BTBD9: variants seen among roughly 807,000 people sequenced by gnomAD.
The protein encoded by BTBD9 is BTB/POZ domain-containing protein 9.
Under a neutral mutation model 64.3 loss-of-function variants are expected in BTBD9, and 49 were observed. That is an observed-to-expected ratio of 0.76 (90% CI 0.61 to 0.97). The LOEUF (loss-of-function observed/expected upper bound fraction) is 0.97, where lower values mean the gene tolerates loss of function less well. BTBD9 is among the 50% of genes least tolerant of loss of function. BTBD9 has a pLI of 0.00. For missense variants in BTBD9, 598 were observed against 762.1 expected, an observed-to-expected ratio of 0.78 and a Z score of 2.53; for synonymous variants, 260 against 274.7, an observed-to-expected ratio of 0.95 and a Z score of 0.53.
At chr6:38,456,955 T>C (rs781221695) in intron 6 of BTBD9, among the ~76,000 whole-genome samples, 1 of 152,182 alleles carries the variant, frequency 6.6e-6, no homozygotes, top group Non-Finnish European at 1.5e-5. Context: ...ATGATAAAGA[T>C]AGAGTTATCA....
chr6:38,512,147 AT>A (rs1772802468), intron 6 of BTBD9, among the ~76,000 whole-genome samples: 1 of 151,958 alleles, frequency 6.6e-6, no homozygotes, highest in Non-Finnish European at 1.5e-5. Flanking sequence ...CTAATTTTGT[AT>A]TTTTAGTAGA....
At chr6:38,595,855 C>T (rs2127495189) in intron 2 of BTBD9, 1 of 985,348 alleles carries the variant, frequency 1.0e-6, no homozygotes, top group African/African-American at 1.7e-5. Context: ...CCTAAAATTA[C>T]CAAATTAAAG....
At chr6:38,361,437 TACTGGAGGGATGGGAGGATC>T (rs1764953493) in intron 6 of BTBD9, among the ~76,000 whole-genome samples, 1 of 152,040 alleles carries the variant, frequency 6.6e-6, no homozygotes, top group Non-Finnish European at 1.5e-5. Context: ...TAGTCCTAGC[TACTGGAGGGATGGGAGGATC>T]ACTTGAGCCC....
chr6:38,457,750 G>C (rs1014249584), intron 6 of BTBD9, among the ~76,000 whole-genome samples: 3 of 152,110 alleles, frequency 2.0e-5, no homozygotes, highest in African/African-American at 7.2e-5. Flanking sequence ...GAGAGTATAA[G>C]TAGAGAAAAT....
At chr6:38,260,565 T>C (rs1764755616) in intron 8 of BTBD9, among the ~76,000 whole-genome samples, 1 of 152,168 alleles carries the variant, frequency 6.6e-6, no homozygotes, top group Non-Finnish European at 1.5e-5. Flanking sequence ...ATTATGAGTA[T>C]CATATATGTT....
intron 6 of BTBD9, among the ~76,000 whole-genome samples, chr6:38,560,137 C>T (rs1390920226): frequency 6.6e-6 from 1 of 152,104 alleles, no homozygotes; most frequent in South Asian, 2.1e-4. Flanking sequence ...AAACAACCCA[C>T]AGAATGGGAA....
chr6:38,401,686 G>C (rs539025945), intron 6 of BTBD9, among the ~76,000 whole-genome samples: 18 of 152,274 alleles, frequency 1.2e-4, no homozygotes, highest in Admixed American at 7.2e-4. Flanking sequence ...TCACAAAAAG[G>C]CAGTATGTAT....
chr6:38,285,042 G>T (rs1177830134), intron 8 of BTBD9, among the ~76,000 whole-genome samples: 1 of 152,166 alleles, frequency 6.6e-6, no homozygotes, highest in South Asian at 2.1e-4. Flanking sequence ...TGTATAGACA[G>T]AGGTAAGTCA....
intron 1 of BTBD9, among the ~76,000 whole-genome samples, chr6:38,630,072 G>C (rs1346520533): frequency 6.6e-6 from 1 of 150,804 alleles, no homozygotes; most frequent in African/African-American, 2.4e-5. Context: ...GCCAGGCATG[G>C]TGGTGCATGC....
intron 6 of BTBD9, among the ~76,000 whole-genome samples, chr6:38,484,181 G>T (rs1486401057): frequency 6.6e-6 from 1 of 152,174 alleles, no homozygotes; most frequent in Admixed American, 6.6e-5. Flanking sequence ...AAGCATAAAG[G>T]TGAGACATAA....
chr6:38,414,015 C>T (rs1375876997), intron 6 of BTBD9, among the ~76,000 whole-genome samples: 1 of 152,160 alleles, frequency 6.6e-6, no homozygotes, highest in African/African-American at 2.4e-5. Flanking sequence ...GTGACAAGTG[C>T]TGTTATTGTA....
intron 6 of BTBD9, among the ~76,000 whole-genome samples, chr6:38,483,418 T>C (rs1313313179): frequency 6.6e-6 from 1 of 152,072 alleles, no homozygotes; most frequent in Non-Finnish European, 1.5e-5. Flanking sequence ...CCCAGTCTCT[T>C]GTATTCACTT....
chr6:38,398,423 G>C (rs928811327), intron 6 of BTBD9, among the ~76,000 whole-genome samples: 1 of 152,142 alleles, frequency 6.6e-6, no homozygotes, highest in African/African-American at 2.4e-5. Flanking sequence ...GCCATACCAA[G>C]GAATCAATGT....
chr6:38,215,916 C>T (rs1319317457), intron 9 of BTBD9, among the ~76,000 whole-genome samples: 1 of 152,226 alleles, frequency 6.6e-6, no homozygotes, highest in Admixed American at 6.5e-5. Context: ...GCGCCCCCCA[C>T]ACCACTGCCA....
chr6:38,237,260 C>T (rs1763808869), intron 9 of BTBD9, among the ~76,000 whole-genome samples: 1 of 152,224 alleles, frequency 6.6e-6, no homozygotes, highest in Admixed American at 6.5e-5. Context: ...GGCAAGTAGT[C>T]TATCTTTTCT....
At chr6:38,611,516 G>A (rs977067184) in intron 1 of BTBD9, among the ~76,000 whole-genome samples, 2 of 152,112 alleles carry the variant, frequency 1.3e-5, no homozygotes, top group African/African-American at 4.8e-5. Flanking sequence ...AGCAAACACT[G>A]ATGCAGACAG....
chr6:38,558,483 G>C (rs1321240292), intron 6 of BTBD9, among the ~76,000 whole-genome samples: 1 of 152,126 alleles, frequency 6.6e-6, no homozygotes, highest in African/African-American at 2.4e-5. Context: ...TGTTTTCAAG[G>C]AGAATGCTTC....
intron 6 of BTBD9, among the ~76,000 whole-genome samples, chr6:38,557,346 A>T (rs1170622898): frequency 6.6e-6 from 1 of 152,126 alleles, no homozygotes; most frequent in Non-Finnish European, 1.5e-5. Context: ...ACTCAGTCTC[A>T]AAATAAATAA....
chr6:38,515,302 A>C (rs1199403252), intron 6 of BTBD9, among the ~76,000 whole-genome samples: 1 of 152,218 alleles, frequency 6.6e-6, no homozygotes, highest in East Asian at 1.9e-4. Flanking sequence ...TTTCTTTCTT[A>C]AGAGAACAGT....
Sources: gnomAD v4.1 joint callset for allele counts (sites outside exome capture counted in the v4.1 genomes callset) on GRCh38, gnomAD v4.1.1 for gene constraint, MANE v1.5 for transcripts, NCBI Gene and HGNC (gene_info 2026-07-23, HGNC 2026-07-21) for gene names.